SYT9: variants seen among roughly 807,000 people sequenced by gnomAD.
SYT9 encodes synaptotagmin-9.
SYT9 carries 22 observed loss-of-function variants against 48.4 expected under a neutral mutation model. The observed-to-expected ratio is 0.45, with a 90% CI of 0.32 to 0.65. SYT9 has a LOEUF of 0.65. Among genes scored for constraint, SYT9 ranks in the 30% least tolerant of loss-of-function variants. SYT9 has a pLI of 0.03. For missense variants in SYT9, 577 were observed against 622.0 expected (o/e 0.93, Z 0.77); for synonymous variants, 265 against 245.0 (o/e 1.08, Z -0.76).
At chr11:7,320,697 T>A (rs926971493) in intron 3 of SYT9, among the ~76,000 whole-genome samples, 1 of 152,064 alleles carries the variant, frequency 6.6e-6, no homozygotes, top group Non-Finnish European at 1.5e-5. Context: ...CCAAGGAGAG[T>A]GTGAGTTTTA....
chr11:7,348,928 C>T (rs1268160841), intron 3 of SYT9, among the ~76,000 whole-genome samples: 3 of 151,808 alleles, frequency 2.0e-5, no homozygotes, highest in African/African-American at 7.3e-5. Context: ...GAAAGCTGAA[C>T]TCCTCACGCT....
rs201637128 is a variant in SYT9, at chr11:7,420,531, G to C, written c.1363G>C (p.Val455Leu). The change falls in exon 6 of 7, where the codon GTG (valine) becomes CTG (leucine). Residue 455 changes from valine (V) to leucine (L), a missense_variant. Transcript: ENST00000318881. ...DRVGHNEIIG[V>L]CQVGNEAERL... The stretch of plus-strand genomic sequence containing the variant: ...TGTAGGTCACAATGAGATCATCGGC[G>C]TGTGTCAAGTAGGCAACGAGGCTGA... The C allele has an allele frequency of 4.0e-5, 64 of 1,613,978 alleles. 1 individual carries two copies. Among genetic ancestry groups the C allele is most frequent in the South Asian group, 6.6e-5 (6 of 91,090 alleles).
chr11:7,255,766 T>A (rs1341876103), intron 1 of SYT9, among the ~76,000 whole-genome samples: 1 of 152,210 alleles, frequency 6.6e-6, no homozygotes, highest in Non-Finnish European at 1.5e-5. Context: ...GTTTATTTTT[T>A]ATTTTATTTT....
At chr11:7,362,260 T>C (rs1225090049) in intron 3 of SYT9, among the ~76,000 whole-genome samples, 1 of 151,948 alleles carries the variant, frequency 6.6e-6, no homozygotes, top group African/African-American at 2.4e-5. Flanking sequence ...TTCTCCTGCC[T>C]CAGCCTCCTG....
intron 3 of SYT9, among the ~76,000 whole-genome samples, chr11:7,364,879 T>G (rs1850211906): frequency 6.6e-6 from 1 of 152,092 alleles, no homozygotes; most frequent in South Asian, 2.1e-4. Context: ...GACAGATGGA[T>G]GAGGGAGCAA....
intron 6 of SYT9, among the ~76,000 whole-genome samples, chr11:7,455,156 C>T (rs182812482): frequency 1.3e-5 from 2 of 151,682 alleles, no homozygotes; most frequent in African/African-American, 4.8e-5. Flanking sequence ...TATCTTGTAT[C>T]CTCTTTTCAA....
intron 1 of SYT9, among the ~76,000 whole-genome samples, chr11:7,260,279 A>G (rs770657393): frequency 7.2e-5 from 11 of 152,242 alleles, no homozygotes; most frequent in Non-Finnish European, 1.6e-4. Context: ...GAGAGAAGTA[A>G]TTAGCTGACT....
At position 7,306,498 on chromosome 11, in the gene SYT9, A is replaced by G. The variant is rs1004237011; in HGVS notation, c.497+3108A>G. ...CAGAACCCTAGGGGACTATTTTAAC[A>G]TGAACTCAATAGGAGACTGCCTGGA... On this transcript the variant is annotated intron_variant, in intron 2 of 6. Transcript: ENST00000318881. 4.6e-5 allele frequency among the ~76,000 whole-genome samples: 7 copies of G among 152,344 alleles called. No individual in the cohort carries two copies. The South Asian group carries it at 1.2e-3, about 27-fold the overall frequency.
At chr11:7,248,937 A>G (rs1213752138), upstream of SYT9, among the ~76,000 whole-genome samples, 2 of 152,218 alleles carry the variant, frequency 1.3e-5, no homozygotes, top group African/African-American at 2.4e-5. Context: ...AAACTATACT[A>G]TAAGACCATA....
At chr11:7,429,237 C>A (rs1456759968) in intron 6 of SYT9, among the ~76,000 whole-genome samples, 2 of 152,214 alleles carry the variant, frequency 1.3e-5, no homozygotes, top group Non-Finnish European at 1.5e-5. Context: ...CCAGGCTAAA[C>A]CTGTCAAGCT....
In SYT9 at chr11:7,460,805, G is replaced by A. The variant is rs185215347; in HGVS notation, c.1468-5987G>A. ...TTGAATAAATAAAGTTTACACAAAAGCATCATTTATAATTCTTATTTGTTA... is the reference window on the plus strand; with the variant it reads ...TTGAATAAATAAAGTTTACACAAAAACATCATTTATAATTCTTATTTGTTA... On this transcript the variant is annotated intron_variant, in intron 6 of 6. Transcript: ENST00000318881. 2.6e-5 allele frequency among the ~76,000 whole-genome samples: 4 copies of A among 152,222 alleles called. No homozygotes were observed. In the East Asian group the frequency reaches 7.7e-4, roughly 29 times the overall value.
In SYT9 at chr11:7,419,757, C is replaced by T. The variant is rs546656372; in HGVS notation, c.1338-749C>T. ...ACTAAAAATACAAAAATTGGCCAGG[C>T]ATGGTGGCATGCACCTGTAATCCCA... is the stretch of plus-strand genomic sequence containing the variant. On this transcript the variant is annotated intron_variant, in intron 5 of 6. Coordinates refer to ENST00000318881, the MANE Select transcript of SYT9 (RefSeq NM_175733.4). Among the ~76,000 whole-genome samples, 30 of 152,176 alleles carry T rather than the reference C, an allele frequency of 2.0e-4. 2 individuals carry two copies. The South Asian group carries it at 5.6e-3, about 28-fold the overall frequency.
intron 1 of SYT9, among the ~76,000 whole-genome samples, chr11:7,277,410 C>T (rs1231389921): frequency 6.6e-6 from 1 of 152,190 alleles, no homozygotes; most frequent in Non-Finnish European, 1.5e-5. Context: ...TCAGCAAGTG[C>T]TCATGTCTTA....
In SYT9 at chr11:7,257,255, C is replaced by T. The variant is rs139795465; in HGVS notation, c.145+4924C>T. The stretch of plus-strand genomic sequence containing the variant: ...AAAAACTAGGAACCTTGACTGTTAC[C>T]CTGTACAGCTAGTGCCCATATCAAC... On this transcript the variant is annotated intron_variant, in intron 1 of 6. Coordinates refer to ENST00000318881, the MANE Select transcript of SYT9 (RefSeq NM_175733.4). Among the ~76,000 whole-genome samples the T allele has an allele frequency of 1.8e-4, 27 of 152,250 alleles. 1 individual carries two copies. In the East Asian group the frequency reaches 3.9e-3, roughly 22 times the overall value.
intron 1 of SYT9, among the ~76,000 whole-genome samples, chr11:7,282,926 G>T (rs202061536): frequency 7.4e-6 from 1 of 135,654 alleles, no homozygotes; most frequent in Non-Finnish European, 1.6e-5. Flanking sequence ...ACACACACAC[G>T]CACACACACA....
chr11:7,440,114 C>T (rs1386276609), intron 6 of SYT9: 2 of 152,274 alleles, frequency 1.3e-5, no homozygotes, highest in African/African-American at 4.8e-5. Context: ...TCCCGTACAA[C>T]CTGAAGACTC....
intron 3 of SYT9, among the ~76,000 whole-genome samples, chr11:7,389,000 A>G (rs979750427): frequency 2.0e-5 from 3 of 152,194 alleles, no homozygotes; most frequent in African/African-American, 7.2e-5. Flanking sequence ...AAGGAAATTG[A>G]AGTGAGGACA....
At chr11:7,431,995 C>G (rs1011200393) in intron 6 of SYT9, among the ~76,000 whole-genome samples, 13 of 152,198 alleles carry the variant, frequency 8.5e-5, no homozygotes, top group African/African-American at 3.1e-4. Flanking sequence ...CACACAGAGT[C>G]CCCACAGGGG....
chr11:7,436,830 C>CT (rs1158166831), intron 6 of SYT9, among the ~76,000 whole-genome samples: 3 of 152,218 alleles, frequency 2.0e-5, no homozygotes, highest in Non-Finnish European at 4.4e-5. Context: ...TTACTAGTGT[C>CT]TAACAGGAAG....
Sources: allele counts gnomAD v4.1 joint callset (sites outside exome capture counted in the v4.1 genomes callset), GRCh38; gene constraint gnomAD v4.1.1; transcripts MANE v1.5; gene names NCBI Gene and HGNC (gene_info 2026-07-23, HGNC 2026-07-21).